Variants in SEC31A observed in about 807,000 individuals in gnomAD.
The protein encoded by SEC31A is SEC31 homolog A, COPII component, also known as protein transport protein Sec31A.
In SEC31A, 70 loss-of-function variants were observed where a neutral mutation model predicts 151.0. The ratio of observed to expected loss-of-function variants is 0.46; its 90% CI spans 0.38 to 0.57. The LOEUF (loss-of-function observed/expected upper bound fraction) is 0.57, where lower values mean the gene tolerates loss of function less well. SEC31A is among the 20% of genes least tolerant of loss of function. The pLI, the probability that SEC31A is intolerant of heterozygous loss-of-function variation, is 0.00. For missense variants in SEC31A, 1,330 were observed against 1,471.2 expected (o/e 0.90, Z 1.57); for synonymous variants, 475 against 505.9 (o/e 0.94, Z 0.82).
chr4:82,853,652 C>T lies in SEC31A; in HGVS notation c.2072G>A (p.Cys691Tyr), dbSNP rs375096455. 3.0e-5 allele frequency: 48 copies of T among 1,603,458 alleles called. No homozygotes were observed. Among genetic ancestry groups the T allele is most frequent in the Non-Finnish European group, 4.0e-5 (47 of 1,177,398 alleles). ...DSLLQTQACL[C>Y]YICAGNVEKL... ...CTCTACATTCCCTGCACAAATATAG[C>T]AGAGACATGCTTGAGTCTGCAGGAG... is the stretch of plus-strand genomic sequence containing the variant. Residue 691 changes from cysteine to tyrosine, a missense_variant, in exon 18 of 27, where the codon TGC (cysteine) becomes TAC (tyrosine). Physicochemically the swap from Cys to Tyr is radical, Grantham distance 194. Coordinates refer to ENST00000395310, the MANE Select transcript of SEC31A (RefSeq NM_001077207.4).
chr4:82,837,577 C>T (rs551948726), intron 22 of SEC31A, among the ~76,000 whole-genome samples: 2 of 152,204 alleles, frequency 1.3e-5, no homozygotes, highest in East Asian at 3.9e-4. Flanking sequence ...TAGACATGGG[C>T]TCTTGCCATG....
upstream of SEC31A, chr4:82,893,733 G>A (rs1719941252): frequency 6.6e-6 from 1 of 152,128 alleles, no homozygotes; most frequent in African/African-American, 2.4e-5. Context: ...AAAGTTTGTG[G>A]AAAAATGGTT....
chr4:82,880,758 A>T, intron 3 of SEC31A, 41 bp downstream of exon 3: 1 of 1,546,796 alleles, frequency 6.5e-7, no homozygotes, highest in Non-Finnish European at 8.8e-7. Context: ...AGAACAATAT[A>T]TAATTAAATA....
At chr4:82,843,353 G>C (rs1729342271) in intron 21 of SEC31A, among the ~76,000 whole-genome samples, 1 of 151,988 alleles carries the variant, frequency 6.6e-6, no homozygotes, top group African/African-American at 2.4e-5. Context: ...CCCCAGGCTG[G>C]GGTCAAACTC....
chr4:82,827,678 C>T lies in SEC31A; in HGVS notation c.3028-46G>A, dbSNP rs540110520. 205 of 1,582,968 alleles carry T rather than the reference C, an allele frequency of 1.3e-4. 1 individual carries two copies. Among genetic ancestry groups the T allele is most frequent in the South Asian group, 1.1e-3 (101 of 87,866 alleles). ...AAGACACCAGGAGTAAGAATAAAAACGATAGCAACATTTCTTCAGCTTAAA... is the reference window on the plus strand; with the variant it reads ...AAGACACCAGGAGTAAGAATAAAAATGATAGCAACATTTCTTCAGCTTAAA... On this transcript the variant is annotated intron_variant, in intron 23 of 26. Coordinates refer to ENST00000395310, the MANE Select transcript of SEC31A (RefSeq NM_001077207.4).
upstream of SEC31A, chr4:82,895,520 A>T (rs771586343): frequency 9.9e-5 from 15 of 152,170 alleles, no homozygotes; most frequent in Non-Finnish European, 1.2e-4. Context: ...TCTATTAATT[A>T]AAAAAATACT....
In SEC31A at chr4:82,857,727, G is replaced by T. The variant is rs905436925; in HGVS notation, c.1664C>A (p.Pro555His). The change falls in exon 15 of 27, where the codon CCC becomes CAC. Residue 555 changes from proline (P) to histidine (H), a missense_variant. By Grantham distance (77) the Pro-to-His change is moderately conservative. Transcript: ENST00000395310. Reference protein sequence around the residue: ...KEEKEESEFLPSSGGTFNISV... With the variant: ...KEEKEESEFLHSSGGTFNISV... ...GATATTAAATGTTCCTCCAGATGAG[G>T]GTAGAAATTCAGATTCTTCTTTTTC... 6.2e-7 allele frequency: 1 copy of T among 1,603,640 alleles called. No homozygotes were observed. Among genetic ancestry groups the T allele is most frequent in the Non-Finnish European group, 8.5e-7 (1 of 1,171,084 alleles).
intron 2 of SEC31A, 127 bp downstream of exon 2, chr4:82,881,731 A>G: frequency 1.4e-6 from 1 of 702,000 alleles, no homozygotes; most frequent in Non-Finnish European, 2.6e-6. Context: ...AACTTGGCTG[A>G]TAGAATGTCA....
At chr4:82,876,846 T>C (rs1157375372) in intron 4 of SEC31A, among the ~76,000 whole-genome samples, 2 of 152,252 alleles carry the variant, frequency 1.3e-5, no homozygotes, top group African/African-American at 2.4e-5. Context: ...AGACATTCTA[T>C]GGTAGTAGCT....
intron 17 of SEC31A, 94 bp downstream of exon 17, chr4:82,854,809 T>A: frequency 7.8e-7 from 1 of 1,286,622 alleles, no homozygotes. Context: ...TTGTAGATTT[T>A]AAAAAGTTTC....
At chr4:82,839,238 C>T (rs1207797141) in intron 22 of SEC31A, among the ~76,000 whole-genome samples, 4 of 152,158 alleles carry the variant, frequency 2.6e-5, no homozygotes, top group Non-Finnish European at 5.9e-5. Context: ...TCAATCTCCG[C>T]CTCCTGGGTT....
chr4:82,880,090 G>A (rs1343015152), intron 3 of SEC31A, among the ~76,000 whole-genome samples: 1 of 150,668 alleles, frequency 6.6e-6, no homozygotes, highest in Non-Finnish European at 1.5e-5. Context: ...GGCTGAGGCA[G>A]GAGAATTGCT....
intron 24 of SEC31A, among the ~76,000 whole-genome samples, chr4:82,826,295 G>T (rs1035438479): frequency 1.3e-5 from 2 of 151,654 alleles, no homozygotes; most frequent in African/African-American, 4.8e-5. Flanking sequence ...TCTCATCTTT[G>T]TCAAAATGTT....
chr4:82,861,942 CTCACT>C (rs1734251718), intron 13 of SEC31A: 1 of 243,122 alleles, frequency 4.1e-6, no homozygotes, highest in Admixed American at 8.5e-5. Context: ...GAGACCGAGT[CTCACT>C]CTGTCGCCCA....
rs1219748188 is a variant in SEC31A, at chr4:82,848,186, G to T, written c.2502+618C>A. On this transcript the variant is annotated intron_variant, in intron 20 of 26. Coordinates refer to ENST00000395310, the MANE Select transcript of SEC31A (RefSeq NM_001077207.4). Reference sequence around the variant, plus strand: ...CATGTGAAACAGTAAAAAATAGTAAGAAGCCACATTTTATGACACCAAACA... The same window carrying T: ...CATGTGAAACAGTAAAAAATAGTAATAAGCCACATTTTATGACACCAAACA... Among the ~76,000 whole-genome samples the T allele has an allele frequency of 4.0e-5, 6 of 151,890 alleles. No homozygotes were observed. In the East Asian group the frequency reaches 1.2e-3, roughly 29 times the overall value.
At chr4:82,868,623 G>A (rs1373741555) in intron 8 of SEC31A, among the ~76,000 whole-genome samples, 1 of 152,144 alleles carries the variant, frequency 6.6e-6, no homozygotes, top group Non-Finnish European at 1.5e-5. Flanking sequence ...GCTACTCACA[G>A]AAGCAACATC....
In SEC31A at chr4:82,834,734, T is replaced by C. The variant is rs534568790; in HGVS notation, c.2969-5676A>G. ...AACCCCAACAGTCCTTTTATTAATT[T>C]AATGTACAATTTTGTCTCAATTATA... On this transcript the variant is annotated intron_variant, in intron 22 of 26. Coordinates refer to ENST00000395310, the MANE Select transcript of SEC31A (RefSeq NM_001077207.4). 1.1e-4 allele frequency among the ~76,000 whole-genome samples: 16 copies of C among 152,336 alleles called. No homozygotes were observed. The South Asian group carries it at 3.3e-3, about 32-fold the overall frequency.
intron 22 of SEC31A, among the ~76,000 whole-genome samples, chr4:82,829,674 C>T (rs1725478739): frequency 6.6e-6 from 1 of 151,572 alleles, no homozygotes; most frequent in South Asian, 2.1e-4. Flanking sequence ...ATTTTTAATG[C>T]CGTAAAAAAA....
At chr4:82,869,182 C>T (rs573019430) in intron 8 of SEC31A, among the ~76,000 whole-genome samples, 3 of 151,944 alleles carry the variant, frequency 2.0e-5, no homozygotes, top group Admixed American at 6.6e-5. Context: ...TGCAGTGGTG[C>T]GATCTGGGCT....
Sources: allele counts gnomAD v4.1 joint callset (sites outside exome capture counted in the v4.1 genomes callset), GRCh38; gene constraint gnomAD v4.1.1; transcripts MANE v1.5; gene names NCBI Gene and HGNC (gene_info 2026-07-23, HGNC 2026-07-21).